KCNK13: variants seen among roughly 807,000 people sequenced by gnomAD.
The protein encoded by KCNK13 is potassium two pore domain channel subfamily K member 13, also known as potassium channel subfamily K member 13.
In KCNK13, 12 loss-of-function variants were observed where a neutral mutation model predicts 23.4. That is an observed-to-expected ratio of 0.51 (90% CI 0.33 to 0.83). KCNK13 has a LOEUF of 0.83. Ranked by LOEUF, KCNK13 falls within the 40% of genes least tolerant of loss-of-function variation. The pLI is 0.02. For synonymous variants in KCNK13, 231 were observed against 229.5 expected, an observed-to-expected ratio of 1.01 and a Z score of -0.06; for missense variants, 463 against 556.3, an observed-to-expected ratio of 0.83 and a Z score of 1.69.
At chr14:90,161,228 C>T (rs539134575) in intron 1 of KCNK13, among the ~76,000 whole-genome samples, 1 of 152,294 alleles carries the variant, frequency 6.6e-6, no homozygotes, top group Middle Eastern at 3.4e-3. Flanking sequence ...GCCCACTTAT[C>T]ACTTATATGA....
At chr14:90,095,324 T>A (rs954428857) in intron 1 of KCNK13, among the ~76,000 whole-genome samples, 8 of 152,132 alleles carry the variant, frequency 5.3e-5, no homozygotes, top group Non-Finnish European at 1.2e-4. Flanking sequence ...CTAAAAAAAA[T>A]GTATAACTGC....
At chr14:90,092,521 G>A (rs1169182190) in intron 1 of KCNK13, among the ~76,000 whole-genome samples, 2 of 152,186 alleles carry the variant, frequency 1.3e-5, no homozygotes. Context: ...AGAGGTCAAA[G>A]GGAGCATTTT....
intron 1 of KCNK13, among the ~76,000 whole-genome samples, chr14:90,152,968 T>TTGCCCCTCTGACACTCAACTC (rs1425050550): frequency 6.6e-6 from 1 of 152,086 alleles, no homozygotes; most frequent in Non-Finnish European, 1.5e-5. Context: ...TTCCCTAGCT[T>TTGCCCCTCTGACACTCAACTC]TGCCCCTCTG....
intron 1 of KCNK13, among the ~76,000 whole-genome samples, chr14:90,149,974 G>A (rs956985148): frequency 1.3e-5 from 2 of 151,976 alleles, no homozygotes; most frequent in Non-Finnish European, 2.9e-5. Context: ...TTAGCATCTA[G>A]TAGGTGAGAC....
chr14:90,068,320 C>T (rs1006271613), intron 1 of KCNK13, among the ~76,000 whole-genome samples: 2 of 151,744 alleles, frequency 1.3e-5, no homozygotes, highest in Non-Finnish European at 2.9e-5. Flanking sequence ...TTGGGCCCAG[C>T]GGGGTGGCTC....
chr14:90,073,488 T>A (rs990214846), intron 1 of KCNK13, among the ~76,000 whole-genome samples: 1 of 152,134 alleles, frequency 6.6e-6, no homozygotes, highest in African/African-American at 2.4e-5. Flanking sequence ...GGCACCAAGG[T>A]TCTCTGTGTC....
chr14:90,129,160 A>C (rs569865126), intron 1 of KCNK13, among the ~76,000 whole-genome samples: 3 of 152,318 alleles, frequency 2.0e-5, no homozygotes, highest in Admixed American at 1.3e-4. Flanking sequence ...TCCAAGATTC[A>C]TCTACATTGT....
intron 1 of KCNK13, among the ~76,000 whole-genome samples, chr14:90,155,302 G>A (rs1890181507): frequency 1.3e-5 from 2 of 152,184 alleles, no homozygotes. Context: ...AGGCCATGGA[G>A]CCAAAGAGAC....
At chr14:90,112,388 G>A (rs1167761899) in intron 1 of KCNK13, among the ~76,000 whole-genome samples, 2 of 152,182 alleles carry the variant, frequency 1.3e-5, no homozygotes, top group Non-Finnish European at 2.9e-5. Context: ...GAGCAATACA[G>A]TTGATTCATG....
chr14:90,172,355 G>A (rs1863248380), intron 1 of KCNK13, among the ~76,000 whole-genome samples: 1 of 151,790 alleles, frequency 6.6e-6, no homozygotes, highest in Admixed American at 6.6e-5. Flanking sequence ...CTTGGAAAAG[G>A]ATTTTGAGTC....
intron 1 of KCNK13, among the ~76,000 whole-genome samples, chr14:90,158,399 A>C (rs75296197): frequency 0.079 from 12,073 of 152,320 alleles, 574 homozygotes; most frequent in Middle Eastern, 0.18. Context: ...GAGAGAAAAA[A>C]ATATGGGCTA....
At chr14:90,115,323 C>G (rs1209665759) in intron 1 of KCNK13, among the ~76,000 whole-genome samples, 2 of 152,142 alleles carry the variant, frequency 1.3e-5, no homozygotes, top group Non-Finnish European at 2.9e-5. Context: ...CCAGCCCGCT[C>G]CTGCTGGTCA....
At chr14:90,092,088 AT>A (rs956116461) in intron 1 of KCNK13, among the ~76,000 whole-genome samples, 12 of 151,714 alleles carry the variant, frequency 7.9e-5, no homozygotes, top group African/African-American at 2.7e-4. Flanking sequence ...CACCTGGCTA[AT>A]TTTTTTTATT....
intron 1 of KCNK13, among the ~76,000 whole-genome samples, chr14:90,125,445 A>G (rs923630813): frequency 2.0e-5 from 3 of 151,864 alleles, no homozygotes; most frequent in African/African-American, 7.3e-5. Context: ...GGATGGTCTC[A>G]ATCTTCTGAC....
At chr14:90,152,641 T>C (rs1332845128) in intron 1 of KCNK13, among the ~76,000 whole-genome samples, 2 of 152,220 alleles carry the variant, frequency 1.3e-5, no homozygotes, top group African/African-American at 4.8e-5. Context: ...TCTTTTTCTT[T>C]ATAAATTATC....
intron 1 of KCNK13, among the ~76,000 whole-genome samples, chr14:90,122,364 C>CTGGA (rs1889749249): frequency 6.7e-6 from 1 of 150,356 alleles, no homozygotes. Flanking sequence ...GTCACCCAGG[C>CTGGA]TGGAGTGTAG....
chr14:90,164,831 T>C (rs1890285510), intron 1 of KCNK13, among the ~76,000 whole-genome samples: 1 of 152,210 alleles, frequency 6.6e-6, no homozygotes. Flanking sequence ...GACTTTCAAA[T>C]GGGATTTCTG....
At chr14:90,070,527 A>G (rs1179874049) in intron 1 of KCNK13, among the ~76,000 whole-genome samples, 1 of 152,212 alleles carries the variant, frequency 6.6e-6, no homozygotes. Flanking sequence ...TTCATCCTTT[A>G]TTCTCTGCTC....
intron 1 of KCNK13, among the ~76,000 whole-genome samples, chr14:90,143,171 C>CTTTCTTTCTTTCTTTTCT (rs1555352138): frequency 8.1e-6 from 1 of 123,788 alleles, no homozygotes; most frequent in African/African-American, 3.0e-5. Context: ...TTCTTTCTTT[C>CTTTCTTTCTTTCTTTTCT]TTTCTTTTCT....
Sources: allele counts gnomAD v4.1 joint callset (sites outside exome capture counted in the v4.1 genomes callset), GRCh38; gene constraint gnomAD v4.1.1; transcripts MANE v1.5; gene names NCBI Gene and HGNC (gene_info 2026-07-23, HGNC 2026-07-21).